The following RBM19 variants were observed in gnomAD, a reference collection of about 807,000 sequenced individuals.
The protein encoded by RBM19 is RNA binding motif protein 19, also known as probable RNA-binding protein 19.
In RBM19, 94 loss-of-function variants were observed where a neutral mutation model predicts 116.8. The ratio of observed to expected loss-of-function variants is 0.80; its 90% CI spans 0.68 to 0.95. The LOEUF (loss-of-function observed/expected upper bound fraction) is 0.95, where lower values mean the gene tolerates loss of function less well. RBM19 is among the 40% of genes least tolerant of loss of function. The pLI is 0.00. For synonymous variants in RBM19, 475 were observed against 494.1 expected, an observed-to-expected ratio of 0.96 and a Z score of 0.51; for missense variants, 1,161 against 1,220.7, an observed-to-expected ratio of 0.95 and a Z score of 0.73.
chr12:113,918,622 C>T (rs971131507), intron 19 of RBM19, among the ~76,000 whole-genome samples, 175 bp from the exon 20 acceptor site: 10 of 152,220 alleles, frequency 6.6e-5, no homozygotes, highest in Admixed American at 2.6e-4. Flanking sequence ...TGGCTCACAC[C>T]GTGCCCAGGC....
At chr12:113,905,044 C>A (rs1020642548) in intron 21 of RBM19, among the ~76,000 whole-genome samples, 5 of 152,214 alleles carry the variant, frequency 3.3e-5, no homozygotes, top group Non-Finnish European at 7.3e-5. Flanking sequence ...GAAGCAAAAA[C>A]CCCCTCTTGG....
intron 15 of RBM19, among the ~76,000 whole-genome samples, chr12:113,939,704 C>T (rs974939992): frequency 6.6e-6 from 1 of 150,688 alleles, no homozygotes; most frequent in Admixed American, 6.6e-5. Flanking sequence ...GAGCAGAGAT[C>T]GCGCCACTGC....
chr12:113,959,228 G>A lies in RBM19; in HGVS notation c.555C>T (p.Ala185=), dbSNP rs142176781. 737 of 1,611,616 alleles carry A rather than the reference G, an allele frequency of 4.6e-4. 6 individuals are homozygous for A. The highest frequency in any genetic ancestry group is 9.7e-5 in the Non-Finnish European group (114 of 1,179,046). ...DSGQESEEEG[A]GEDLEEEASL... ...TGCCCTCACCTTCCAGGTCCTCCCC[G>A]GCTCCCTCCTCCTCACTCTCCTGCC... Residue 185 remains alanine, a synonymous_variant, in exon 5 of 24, where the codon GCC becomes GCT. Transcript: ENST00000261741.
In RBM19 at chr12:113,898,772, C is replaced by G. The variant is rs1393372132; in HGVS notation, c.2558+16197G>C. ...AAAAGAACCGAAACAGATTATAGATCTGGACCTGAGGCTACATCTTTCTAA... is the reference window on the plus strand; with the variant it reads ...AAAAGAACCGAAACAGATTATAGATGTGGACCTGAGGCTACATCTTTCTAA... On this transcript the variant is annotated intron_variant, in intron 21 of 23. Transcript: ENST00000261741. The surrounding 1 kb of genome is among the most constrained non-coding windows in gnomAD (Gnocchi z 4.3). Among the ~76,000 whole-genome samples, 1 of 152,240 alleles carries G rather than the reference C, an allele frequency of 6.6e-6. No individual in the cohort carries two copies. The highest frequency in any genetic ancestry group is 2.4e-5 in the African/African-American group (1 of 41,462).
chr12:113,961,215 G>T (rs894563660), intron 2 of RBM19, among the ~76,000 whole-genome samples: 1 of 151,798 alleles, frequency 6.6e-6, no homozygotes, highest in Non-Finnish European at 1.5e-5. Flanking sequence ...TTGTAAAGAC[G>T]CAGTCTTGCT....
At chr12:113,949,391 C>T (rs1274951343) in intron 9 of RBM19, among the ~76,000 whole-genome samples, 2 of 152,208 alleles carry the variant, frequency 1.3e-5, no homozygotes, top group African/African-American at 4.8e-5. Context: ...TGGGTACTTA[C>T]CTGCTGATGA....
chr12:113,909,686 C>A (rs1882308764), intron 21 of RBM19, among the ~76,000 whole-genome samples: 1 of 152,130 alleles, frequency 6.6e-6, no homozygotes, highest in Non-Finnish European at 1.5e-5. Context: ...CCGGGGGACT[C>A]TGGAGTACTG....
intron 21 of RBM19, among the ~76,000 whole-genome samples, chr12:113,908,573 C>CAAAAAAAAA (rs11338829): frequency 3.6e-4 from 12 of 33,224 alleles, no homozygotes; most frequent in Non-Finnish European, 5.7e-4. Flanking sequence ...AAGAAAATAG[C>CAAAAAAAAA]AAAAAAAAAA....
At chr12:113,821,492 A>G (rs1330058388), downstream of RBM19, among the ~76,000 whole-genome samples, 2 of 152,182 alleles carry the variant, frequency 1.3e-5, no homozygotes, top group African/African-American at 4.8e-5. Context: ...GTCATTCCGC[A>G]TGACCTACGG....
intron 21 of RBM19, among the ~76,000 whole-genome samples, chr12:113,882,285 C>T (rs1400226785): frequency 6.6e-6 from 1 of 152,206 alleles, no homozygotes. Context: ...TCTGTCTCAA[C>T]TGGCCATTGA....
At chr12:113,916,279 C>A (rs531640793) in intron 20 of RBM19, among the ~76,000 whole-genome samples, 1 of 152,196 alleles carries the variant, frequency 6.6e-6, no homozygotes, top group East Asian at 1.9e-4. Context: ...TGGTGGCAGG[C>A]GCCTGTAATC....
intron 21 of RBM19, among the ~76,000 whole-genome samples, chr12:113,909,676 C>T (rs961305349): frequency 9.9e-5 from 15 of 152,116 alleles, no homozygotes; most frequent in Admixed American, 6.5e-4. Flanking sequence ...GGAAAGTGAG[C>T]CGGGGGACTC....
intron 21 of RBM19, among the ~76,000 whole-genome samples, chr12:113,907,120 A>G (rs925288745): frequency 6.6e-6 from 1 of 151,238 alleles, no homozygotes; most frequent in Non-Finnish European, 1.5e-5. Context: ...GTGAGAATAC[A>G]TGTCTGCTGT....
intron 16 of RBM19, among the ~76,000 whole-genome samples, chr12:113,928,555 C>T (rs188753829): frequency 4.0e-5 from 6 of 150,710 alleles, no homozygotes; most frequent in Admixed American, 6.6e-5. Flanking sequence ...CACTTTGTAC[C>T]GCTTCCACTC....
chr12:113,824,593 ATTTATCC>A (rs1450710289), intron 23 of RBM19, among the ~76,000 whole-genome samples: 5 of 151,902 alleles, frequency 3.3e-5, no homozygotes, highest in Non-Finnish European at 7.4e-5. Context: ...CTTTACCTCC[ATTTATCC>A]GCAGGCTGTG....
At chr12:113,844,938 C>A in intron 22 of RBM19, 150 bp from the exon 23 acceptor site, 4 of 1,109,338 alleles carry the variant, frequency 3.6e-6, no homozygotes, top group Non-Finnish European at 4.9e-6. Context: ...GTTTGGGGAG[C>A]GGTTGGGCAC....
chr12:113,948,948 C>T lies in RBM19; in HGVS notation c.1161G>A (p.Arg387=). Residue 387 remains arginine, a synonymous_variant, in exon 10 of 24, where the codon CGG becomes CGA. Transcript: ENST00000261741. ...PKNTTKSWQG[R]ILGENEEEED... The stretch of plus-strand genomic sequence containing the variant: ...CCTCCTCTTCGTTCTCCCCGAGTAT[C>T]CGGCCTTGCCAGGATTTGGTGGTAT... 1 of 1,614,236 alleles carries T rather than the reference C, an allele frequency of 6.2e-7. No homozygotes were observed. Among genetic ancestry groups the T allele is most frequent in the South Asian group, 1.1e-5 (1 of 91,092 alleles).
At chr12:113,885,176 A>G (rs565361988) in intron 21 of RBM19, among the ~76,000 whole-genome samples, 3 of 152,366 alleles carry the variant, frequency 2.0e-5, no homozygotes, top group South Asian at 4.1e-4. Flanking sequence ...CAAAGGGACA[A>G]ATAGTAAGTT....
chr12:113,864,351 C>T (rs1250261499), intron 21 of RBM19, among the ~76,000 whole-genome samples: 9 of 152,146 alleles, frequency 5.9e-5, no homozygotes, highest in Admixed American at 5.9e-4. Flanking sequence ...CAGTGAGCTC[C>T]CTCCCCTCTT....
Sources: gnomAD v4.1 joint callset for allele counts (sites outside exome capture counted in the v4.1 genomes callset) on GRCh38, gnomAD v4.1.1 for gene constraint, Gnocchi (gnomAD v3.1) non-coding constraint, MANE v1.5 for transcripts, NCBI Gene and HGNC (gene_info 2026-07-23, HGNC 2026-07-21) for gene names.